Variants in SUMF1 observed in about 807,000 individuals in gnomAD.
SUMF1 encodes formylglycine-generating enzyme.
Under a neutral mutation model 47.6 loss-of-function variants are expected in SUMF1, and 48 were observed. That is an observed-to-expected ratio of 1.01 (90% CI 0.80 to 1.28). SUMF1 has a LOEUF of 1.28. SUMF1 is among the 50% of genes most tolerant of loss of function. SUMF1 has a pLI of 0.00. For missense variants in SUMF1, 571 were observed against 485.4 expected (o/e 1.18, Z -1.66); for synonymous variants, 230 against 192.1 (o/e 1.20, Z -1.63).
chr3:4,349,946 G>GT (rs78558015), intron 8 of SUMF1, among the ~76,000 whole-genome samples: 123 of 143,670 alleles, frequency 8.6e-4, no homozygotes, highest in Middle Eastern at 3.7e-3. Flanking sequence ...CATGCATCCG[G>GT]TTTTTTTTTT....
At chr3:4,076,976 C>T (rs1053881290) in intron 8 of SUMF1, among the ~76,000 whole-genome samples, 8 of 152,102 alleles carry the variant, frequency 5.3e-5, no homozygotes, top group Admixed American at 3.9e-4. Context: ...TGCACTCCAG[C>T]CTGGGCAACA....
chr3:4,227,963 A>G (rs903653108), intron 8 of SUMF1, among the ~76,000 whole-genome samples: 1 of 152,094 alleles, frequency 6.6e-6, no homozygotes, highest in Non-Finnish European at 1.5e-5. Context: ...GTTAAGACCT[A>G]AAGAATGAGT....
intron 8 of SUMF1, among the ~76,000 whole-genome samples, chr3:4,147,743 G>C (rs1423328327): frequency 1.3e-5 from 2 of 152,064 alleles, no homozygotes; most frequent in Non-Finnish European, 2.9e-5. Flanking sequence ...CAGATAAAAA[G>C]AACTACCTAC....
chr3:4,047,405 T>C (rs1337320591), intron 9 of SUMF1, among the ~76,000 whole-genome samples: 1 of 152,176 alleles, frequency 6.6e-6, no homozygotes, highest in Non-Finnish European at 1.5e-5. Context: ...ATTTTCAAGA[T>C]GATGACTTGG....
intron 8 of SUMF1, among the ~76,000 whole-genome samples, chr3:4,180,514 C>T (rs561978332): frequency 1.2e-4 from 18 of 151,150 alleles, no homozygotes; most frequent in African/African-American, 3.9e-4. Flanking sequence ...GGACACAGGG[C>T]GAGGAACATC....
At chr3:4,240,996 G>A (rs999297585) in intron 8 of SUMF1, among the ~76,000 whole-genome samples, 4 of 152,152 alleles carry the variant, frequency 2.6e-5, no homozygotes, top group African/African-American at 9.6e-5. Flanking sequence ...ATATTATGAA[G>A]TAGATTTTGG....
intron 9 of SUMF1, among the ~76,000 whole-genome samples, chr3:4,045,743 C>T (rs188876809): frequency 6.6e-6 from 1 of 152,204 alleles, no homozygotes; most frequent in African/African-American, 2.4e-5. Flanking sequence ...GAGAATCATA[C>T]CCAAAGCCAC....
chr3:4,450,848 A>T (rs1243183341), intron 2 of SUMF1, among the ~76,000 whole-genome samples: 2 of 152,094 alleles, frequency 1.3e-5, no homozygotes, highest in Admixed American at 1.3e-4. Context: ...CAAGTTCTTG[A>T]GGTGGGAAAG....
intron 8 of SUMF1, among the ~76,000 whole-genome samples, chr3:4,092,401 G>T (rs549145940): frequency 6.6e-6 from 1 of 152,062 alleles, no homozygotes; most frequent in Non-Finnish European, 1.5e-5. Flanking sequence ...TTCAGAGGGT[G>T]GTGAATTTCA....
chr3:4,239,296 T>G (rs532167941), intron 8 of SUMF1, among the ~76,000 whole-genome samples: 37 of 152,288 alleles, frequency 2.4e-4, no homozygotes, highest in African/African-American at 8.9e-4. Context: ...AAGTAGATTT[T>G]CTAAATCTGT....
chr3:4,213,988 T>C (rs1695860103), intron 8 of SUMF1, among the ~76,000 whole-genome samples: 1 of 152,132 alleles, frequency 6.6e-6, no homozygotes, highest in African/African-American at 2.4e-5. Flanking sequence ...ACTGTCAATA[T>C]TAGACAGATC....
chr3:4,289,552 C>A (rs1403641797), intron 8 of SUMF1, among the ~76,000 whole-genome samples: 1 of 152,138 alleles, frequency 6.6e-6, no homozygotes, highest in Non-Finnish European at 1.5e-5. Flanking sequence ...TGCCTTCAAG[C>A]AAGTATATAT....
In SUMF1 at chr3:4,466,858, GATTTGGGGTGTGGTTATA is replaced by G. The variant is rs2079961787; in HGVS notation, c.270+100_270+117del. The G allele has an allele frequency of 2.1e-6, 3 of 1,443,842 alleles. No homozygotes were observed. In the African/African-American group the frequency reaches 4.3e-5, roughly 20 times the overall value. 89.4% of individuals were successfully genotyped at this position (1,443,842 alleles called of 1,614,324 possible). On this transcript the variant is annotated intron_variant, in intron 1 of 8. Transcript: ENST00000272902. ...CCTCATACGGGAACAGCAGGTGCTCGATTTGGGGTGTGGTTATAACCTTTACTTCCCTTCCTACTAGTG... is the reference window on the plus strand; with the variant it reads ...CCTCATACGGGAACAGCAGGTGCTCGACCTTTACTTCCCTTCCTACTAGTG...
chr3:4,316,905 C>A, intron 8 of SUMF1: 2 of 1,549,364 alleles, frequency 1.3e-6, no homozygotes, highest in Non-Finnish European at 1.7e-6. Flanking sequence ...AAAACTGCAA[C>A]GCCTGCAGCT....
At chr3:4,101,571 G>A (rs1305184059) in intron 8 of SUMF1, among the ~76,000 whole-genome samples, 1 of 152,082 alleles carries the variant, frequency 6.6e-6, no homozygotes, top group Non-Finnish European at 1.5e-5. Context: ...AAGTTCTGGT[G>A]TTCTATTGCA....
At chr3:4,223,700 C>T (rs1182407189) in intron 8 of SUMF1, among the ~76,000 whole-genome samples, 2 of 152,100 alleles carry the variant, frequency 1.3e-5, no homozygotes, top group African/African-American at 4.8e-5. Context: ...ATCCCTAAAT[C>T]ACTGTCAAAA....
chr3:4,459,840 A>T (rs923713003), intron 1 of SUMF1, among the ~76,000 whole-genome samples: 10 of 152,262 alleles, frequency 6.6e-5, no homozygotes, highest in Admixed American at 6.5e-4. Flanking sequence ...TCTATCTTCC[A>T]TTCAATAATT....
chr3:4,310,464 C>T (rs1015047275), intron 8 of SUMF1, among the ~76,000 whole-genome samples: 1 of 152,028 alleles, frequency 6.6e-6, no homozygotes, highest in African/African-American at 2.4e-5. Context: ...TGACTCAAAG[C>T]AATTATTGGT....
chr3:4,298,726 G>A (rs1697907980), intron 8 of SUMF1, among the ~76,000 whole-genome samples: 1 of 152,102 alleles, frequency 6.6e-6, no homozygotes, highest in African/African-American at 2.4e-5. Flanking sequence ...TCTTCTTCAT[G>A]TATACATTCC....
Sources: allele counts gnomAD v4.1 joint callset (sites outside exome capture counted in the v4.1 genomes callset), GRCh38; gene constraint gnomAD v4.1.1; transcripts MANE v1.5; gene names NCBI Gene and HGNC (gene_info 2026-07-23, HGNC 2026-07-21).